Variants in MYLK observed in about 807,000 individuals in gnomAD.
MYLK encodes myosin light chain kinase.
Under a neutral mutation model 203.4 loss-of-function variants are expected in MYLK, and 106 were observed. The ratio of observed to expected loss-of-function variants is 0.52; its 90% confidence interval spans 0.45 to 0.61. MYLK has a LOEUF of 0.61. MYLK is among the 20% of genes least tolerant of loss of function. MYLK has a pLI of 0.00. For missense variants in MYLK, 2,072 were observed against 2,442.3 expected, an observed-to-expected ratio of 0.85 and a Z score of 3.20; for synonymous variants, 867 against 959.5, an observed-to-expected ratio of 0.90 and a Z score of 1.78.
chr3:123,805,089 C>T (rs1335608680), intron 3 of MYLK, among the ~76,000 whole-genome samples: 5 of 152,282 alleles, frequency 3.3e-5, no homozygotes, highest in African/African-American at 9.6e-5. Flanking sequence ...CAGTTGCCAT[C>T]ACTCGTTTGG....
intron 4 of MYLK, among the ~76,000 whole-genome samples, chr3:123,756,871 C>T (rs941781130): frequency 6.6e-6 from 1 of 152,154 alleles, no homozygotes; most frequent in Non-Finnish European, 1.5e-5. Flanking sequence ...AAGGGTATAA[C>T]CAACAACTTG....
At chr3:123,710,868 C>T (rs2061665942) in intron 13 of MYLK, among the ~76,000 whole-genome samples, 1 of 152,162 alleles carries the variant, frequency 6.6e-6, no homozygotes. Context: ...TATATCCACA[C>T]AATGGAATAT....
intron 13 of MYLK, among the ~76,000 whole-genome samples, chr3:123,720,511 A>G (rs1404025374): frequency 6.6e-6 from 1 of 152,188 alleles, no homozygotes; most frequent in African/African-American, 2.4e-5. Flanking sequence ...CTGGCCTCCA[A>G]GAAGAGCCCC....
chr3:123,659,563 T>C (rs1343855322), intron 23 of MYLK: 2 of 385,634 alleles, frequency 5.2e-6, no homozygotes, highest in Non-Finnish European at 1.1e-5. Context: ...TCAGAAGTCC[T>C]AGGAGATTGG....
At chr3:123,808,710 T>C (rs2065454412) in intron 3 of MYLK, among the ~76,000 whole-genome samples, 1 of 152,154 alleles carries the variant, frequency 6.6e-6, no homozygotes, top group African/African-American at 2.4e-5. Context: ...CACATATCGA[T>C]TGTCACTAAT....
intron 5 of MYLK, among the ~76,000 whole-genome samples, chr3:123,746,725 C>T (rs2108851548): frequency 6.6e-6 from 1 of 152,298 alleles, no homozygotes; most frequent in African/African-American, 2.4e-5. Flanking sequence ...AATAATTTCC[C>T]TTTCTATCAC....
At chr3:123,859,080 T>TA (rs1236534637) in intron 2 of MYLK, among the ~76,000 whole-genome samples, 6 of 152,212 alleles carry the variant, frequency 3.9e-5, no homozygotes, top group Non-Finnish European at 7.4e-5. Flanking sequence ...AATGAATTGT[T>TA]AAAAAAATTA....
rs1553769390 is a variant in MYLK at position 123,615,653 on chromosome 3, C to CTATCT, written c.5501-1305_5501-1304insAGATA. On this transcript the variant is annotated intron_variant, in intron 33 of 33. Transcript: ENST00000360304. ...CTCGGCCGAAAATACAATTTTCTAT[C>CTATCT]TTTTTTTTTTTTTGAGACAGAGTCT... Among the ~76,000 whole-genome samples the CTATCT allele has an allele frequency of 3.8e-3, 544 of 144,474 alleles. 3 individuals are homozygous for CTATCT. The highest frequency in any genetic ancestry group is 6.9e-3 in the Middle Eastern group (2 of 290). The allele number at this position is 144,474 out of a possible 152,430, so 94.8% of individuals were successfully genotyped here.
chr3:123,644,762 T>G (rs1178773659), intron 27 of MYLK, among the ~76,000 whole-genome samples: 2 of 152,226 alleles, frequency 1.3e-5, no homozygotes, highest in African/African-American at 4.8e-5. Flanking sequence ...GTCACAGATG[T>G]GGGCTACGTA....
intron 3 of MYLK, among the ~76,000 whole-genome samples, chr3:123,803,519 G>C (rs2065265345): frequency 6.6e-6 from 1 of 152,166 alleles, no homozygotes; most frequent in Non-Finnish European, 1.5e-5. Context: ...TCTCTACACG[G>C]CCTGAAGGGT....
intron 20 of MYLK, among the ~76,000 whole-genome samples, chr3:123,675,534 C>G (rs1271412078): frequency 1.3e-5 from 2 of 152,188 alleles, no homozygotes; most frequent in Non-Finnish European, 2.9e-5. Flanking sequence ...CTCACGGAGT[C>G]AAAAGGTCTG....
chr3:123,689,226 G>A (rs537684441), intron 19 of MYLK, among the ~76,000 whole-genome samples: 4 of 152,194 alleles, frequency 2.6e-5, no homozygotes, highest in Non-Finnish European at 4.4e-5. Flanking sequence ...ATGACTGGAT[G>A]AGCCAGTGAG....
At chr3:123,678,863 T>C (rs1436407513) in intron 20 of MYLK, among the ~76,000 whole-genome samples, 1 of 152,100 alleles carries the variant, frequency 6.6e-6, no homozygotes, top group African/African-American at 2.4e-5. Flanking sequence ...GTGAGTAGAA[T>C]TGGGGTGAGA....
At position 123,692,794 on chromosome 3, in the gene MYLK, T is replaced by C. The variant is rs375095511; in HGVS notation, c.3506A>G (p.Lys1169Arg). The C allele has an allele frequency of 1.2e-6, 2 of 1,613,970 alleles. No individual in the cohort carries two copies. The highest frequency in any genetic ancestry group is 1.3e-5 in the African/African-American group (1 of 74,984). ...KALPEDRGLY[K>R]CVAKNDAGQA... ...GCCAGCGTCATTCTTGGCTACACAC[T>C]TGTATAAGCCTCTGTCCTCAGGCAG... The change falls in exon 19 of 34, where the codon AAG becomes AGG. Residue 1169 changes from lysine to arginine, a missense_variant. Lys to Arg is a conservative substitution (Grantham distance 26). Around this residue, in one of 3 missense-constraint regions of MYLK, gnomAD observed 865 missense variants for 1,016.0 expected, o/e 0.85. Transcript: ENST00000360304.
chr3:123,693,681 G>A (rs1191151442), intron 18 of MYLK: 1 of 152,606 alleles, frequency 6.6e-6, no homozygotes, highest in East Asian at 1.9e-4. Flanking sequence ...GGAATCTAGG[G>A]TCTCGTCCTG....
At chr3:123,699,332 C>T (rs541284652) in intron 18 of MYLK, among the ~76,000 whole-genome samples, 32 of 152,258 alleles carry the variant, frequency 2.1e-4, no homozygotes, top group Non-Finnish European at 4.0e-4. Context: ...ATTTGGGGCC[C>T]CCCTCCTCTC....
intron 2 of MYLK, among the ~76,000 whole-genome samples, chr3:123,833,085 A>G (rs970050563): frequency 1.3e-4 from 20 of 152,108 alleles, no homozygotes; most frequent in Non-Finnish European, 5.9e-5. Context: ...ACCCCATTAC[A>G]GTCCCACAGC....
intron 3 of MYLK, among the ~76,000 whole-genome samples, chr3:123,810,278 C>G (rs1181958648): frequency 1.3e-5 from 2 of 152,176 alleles, no homozygotes; most frequent in Admixed American, 1.3e-4. Context: ...CCCGTGGTTC[C>G]CATAGTCTCC....
At chr3:123,796,384 T>C (rs1223718761) in intron 3 of MYLK, among the ~76,000 whole-genome samples, 2 of 152,128 alleles carry the variant, frequency 1.3e-5, no homozygotes, top group African/African-American at 2.4e-5. Context: ...TCTTAACCAC[T>C]AGGCCCTCTT....
Sources: gnomAD v4.1 joint callset for allele counts (sites outside exome capture counted in the v4.1 genomes callset) on GRCh38, gnomAD v4.1.1 for gene constraint, gnomAD v4.1.1 regional missense constraint, MANE v1.5 for transcripts, NCBI Gene and HGNC (gene_info 2026-07-23, HGNC 2026-07-21) for gene names.